The following COL4A5 variants were observed in gnomAD, a reference collection of about 807,000 sequenced individuals.
COL4A5 encodes collagen alpha-5(IV) chain.
Under a neutral mutation model 130.2 loss-of-function variants are expected in COL4A5, and 26 were observed. The observed-to-expected ratio is 0.20, with a 90% CI of 0.15 to 0.28. COL4A5 has a LOEUF of 0.28. COL4A5 is among the 10% of genes least tolerant of loss of function. COL4A5 has a pLI of 1.00. For synonymous variants in COL4A5, 496 were observed against 439.6 expected (o/e 1.13, Z -1.60); for missense variants, 1,131 against 1,344.3 (o/e 0.84, Z 2.48).
At chrX:108,443,096 T>A (rs1159733914) in intron 1 of COL4A5, 1 of 111,481 alleles carries the variant, frequency 9.0e-6, no homozygotes. Context: ...CCACTTTTTT[T>A]GGACACAGGA....
chrX:108,575,810 C>A, intron 9 of COL4A5, 100 bp from the exon 10 acceptor site: 1 of 592,581 alleles, frequency 1.7e-6, no homozygotes, highest in Non-Finnish European at 2.8e-6. Context: ...GCACTCCAGC[C>A]TGGGCGACAC....
intron 50 of COL4A5, 180 bp from the exon 51 acceptor site, chrX:108,694,627 T>C (rs1314840073): frequency 5.4e-5 from 25 of 464,311 alleles, no homozygotes; most frequent in Non-Finnish European, 7.6e-6. Context: ...CAGTTTATTA[T>C]GTATACTGGG....
Position 108,571,736 on chromosome X carries a change from A to G in COL4A5, c.439-75A>G, listed in dbSNP as rs2066067762. 5.0e-6 allele frequency: 4 copies of G among 793,664 alleles called. No homozygotes were observed. The Admixed American group carries it at 6.9e-5, about 14-fold the overall frequency. The allele number at this position is 793,664 out of a possible 1,213,427, so 65.4% of individuals were successfully genotyped here. On this transcript the variant is annotated intron_variant, in intron 7 of 52. Transcript: ENST00000328300. ...CAGCAGTCTACTCATTTTATACTCTATTTAGAAAGCATTCTGTAATTGGCG... is the reference window on the plus strand; with the variant it reads ...CAGCAGTCTACTCATTTTATACTCTGTTTAGAAAGCATTCTGTAATTGGCG...
rs774959045 is a variant in COL4A5 at position 108,597,078 on chromosome X, G to C, written c.1587+10G>C. On this transcript the variant is annotated intron_variant, in intron 23 of 52. Coordinates refer to ENST00000328300, the MANE Select transcript of COL4A5 (RefSeq NM_033380.3). ...TCCCAAAGGATTACCAGTAAGTTTT[G>C]AGTATATTATAAAACAAAAAGAAGT... 8.5e-7 allele frequency: 1 copy of C among 1,177,644 alleles called. No homozygotes were observed. The highest frequency in any genetic ancestry group is 3.0e-5 in the East Asian group (1 of 33,083).
intron 1 of COL4A5, among the ~76,000 whole-genome samples, chrX:108,517,181 T>C (rs1357270209): frequency 9.0e-6 from 1 of 111,632 alleles, no homozygotes; most frequent in Non-Finnish European, 1.9e-5. Flanking sequence ...AGAATGTATA[T>C]TTCATTTTAT....
chrX:108,526,652 CT>C (rs1272674171), intron 1 of COL4A5, among the ~76,000 whole-genome samples: 84 of 53,378 alleles, frequency 1.6e-3, no homozygotes, highest in East Asian at 2.7e-3. Flanking sequence ...TTCTTTCTTT[CT>C]TTCTTTCTTC....
At position 108,609,778 on chromosome X, in the gene COL4A5, C is replaced by T. The variant is rs60033988; in HGVS notation, c.2395+2886C>T. Among the ~76,000 whole-genome samples, 11,491 of 109,083 alleles carry T rather than the reference C, an allele frequency of 0.11. 1,303 individuals carry two copies. Among genetic ancestry groups the T allele is most frequent in the African/African-American group, 0.34 (10,141 of 29,947 alleles). 94.7% of individuals were successfully genotyped at this position (109,083 alleles called of 115,157 possible). On this transcript the variant is annotated intron_variant, in intron 29 of 52. Coordinates refer to ENST00000328300, the MANE Select transcript of COL4A5 (RefSeq NM_033380.3). ...TCAGCATCATTTGTTTAAAATAATC[C>T]CCTCTCTATTGGATTACTTTGGGAT...
intron 4 of COL4A5, among the ~76,000 whole-genome samples, chrX:108,566,210 C>G (rs898104811): frequency 1.8e-5 from 2 of 109,634 alleles, no homozygotes; most frequent in African/African-American, 6.6e-5. Flanking sequence ...CCAGAAACTT[C>G]AAGTGGTCAT....
chrX:108,590,839 G>A (rs1319622135), intron 19 of COL4A5, among the ~76,000 whole-genome samples: 1 of 111,536 alleles, frequency 9.0e-6, no homozygotes, highest in Non-Finnish European at 1.9e-5. Context: ...TCCAAAAGTA[G>A]TAAACCTACT....
At chrX:108,443,575 A>G (rs1162836108) in intron 1 of COL4A5, among the ~76,000 whole-genome samples, 1 of 111,763 alleles carries the variant, frequency 8.9e-6, no homozygotes, top group Non-Finnish European at 1.9e-5. Flanking sequence ...ATATAGATAT[A>G]TATCTTTAGT....
intron 33 of COL4A5, among the ~76,000 whole-genome samples, chrX:108,623,282 G>A (rs1298413439): frequency 9.0e-6 from 1 of 111,463 alleles, no homozygotes; most frequent in Non-Finnish European, 1.9e-5. Flanking sequence ...ACAGTTCACC[G>A]TTATTCTACT....
chrX:108,575,328 C>CT (rs2066127664), intron 9 of COL4A5, among the ~76,000 whole-genome samples: 1 of 111,709 alleles, frequency 9.0e-6, no homozygotes, highest in Non-Finnish European at 1.9e-5. Flanking sequence ...CATAAAAGCC[C>CT]TAACTAAATG....
chrX:108,533,046 G>A (rs1569482031), intron 1 of COL4A5, among the ~76,000 whole-genome samples: 1 of 111,471 alleles, frequency 9.0e-6, no homozygotes, highest in African/African-American at 3.3e-5. Context: ...ATCCTAAAAT[G>A]TATATGAAAC....
chrX:108,626,016 C>G (rs1374908732), intron 35 of COL4A5, among the ~76,000 whole-genome samples, 194 bp from the exon 36 acceptor site: 2 of 111,687 alleles, frequency 1.8e-5, no homozygotes, highest in African/African-American at 6.5e-5. Flanking sequence ...CATCTTTTCT[C>G]CAGCTATACC....
At chrX:108,635,375 G>A (rs1348834072) in intron 36 of COL4A5, among the ~76,000 whole-genome samples, 1 of 111,655 alleles carries the variant, frequency 9.0e-6, no homozygotes, top group Non-Finnish European at 1.9e-5. Flanking sequence ...AAATGAAAGG[G>A]CTGGAGTAGA....
At chrX:108,672,300 C>G (rs1198522549) in intron 42 of COL4A5, among the ~76,000 whole-genome samples, 1 of 112,131 alleles carries the variant, frequency 8.9e-6, no homozygotes, top group East Asian at 2.8e-4. Flanking sequence ...CTGCTAAACT[C>G]TACTGTTAGC....
intron 21 of COL4A5, among the ~76,000 whole-genome samples, chrX:108,595,305 G>A (rs1296876163): frequency 1.8e-5 from 2 of 112,094 alleles, no homozygotes; most frequent in African/African-American, 3.2e-5. Context: ...GCTCACCAAT[G>A]TAACACAAGC....
chrX:108,495,855 C>T (rs748643904), intron 1 of COL4A5, among the ~76,000 whole-genome samples: 5 of 112,240 alleles, frequency 4.5e-5, no homozygotes, highest in Non-Finnish European at 9.4e-5. Flanking sequence ...CCTGGACTTC[C>T]ACTCACCAAG....
At chrX:108,694,628 G>A (rs927091292) in intron 50 of COL4A5, 179 bp from the exon 51 acceptor site, 10 of 471,199 alleles carry the variant, frequency 2.1e-5, no homozygotes, top group Non-Finnish European at 3.8e-5. Flanking sequence ...AGTTTATTAT[G>A]TATACTGGGA....
Sources: allele counts gnomAD v4.1 joint callset (sites outside exome capture counted in the v4.1 genomes callset), GRCh38; gene constraint gnomAD v4.1.1; transcripts MANE v1.5; gene names NCBI Gene and HGNC (gene_info 2026-07-23, HGNC 2026-07-21).